Variants in RIC3 observed in about 807,000 individuals in gnomAD.
RIC3 encodes RIC3 acetylcholine receptor chaperone, also known as protein RIC-3.
RIC3 carries 28 observed loss-of-function variants against 27.3 expected under a neutral mutation model. That is an observed-to-expected ratio of 1.02 (90% confidence interval 0.76 to 1.41). RIC3 has a LOEUF of 1.41. Ranked by LOEUF, RIC3 falls within the 40% of genes most tolerant of loss-of-function variation. RIC3 has a pLI of 0.00. For missense variants in RIC3, 501 were observed against 444.7 expected, an observed-to-expected ratio of 1.13 and a Z score of -1.14; for synonymous variants, 184 against 160.4, an observed-to-expected ratio of 1.15 and a Z score of -1.11.
chr11:8,168,899 C>T lies in RIC3; in HGVS notation c.91G>A (p.Gly31Arg). 1.9e-6 allele frequency: 3 copies of T among 1,611,520 alleles called. No individual in the cohort carries two copies. The highest frequency in any genetic ancestry group is 2.5e-6 in the Non-Finnish European group (3 of 1,178,958). The change falls in exon 1 of 6, where the codon GGG becomes AGG. Residue 31 changes from glycine to arginine, a missense_variant. Transcript: ENST00000309737. ...GTCGGCGGCGGCTCCTGCCGCTTCC[C>T]GCGGGACAGGAAGGCCTTGGGCAGC... The part of the protein sequence containing the change: ...LLLPKAFLSR[G>R]KRQEPPPTPE...
the RIC3 span, among the ~76,000 whole-genome samples, chr11:8,100,088 A>G: frequency 1.3e-5 from 2 of 152,190 alleles, no homozygotes; most frequent in Non-Finnish European, 2.9e-5. Flanking sequence ...AGGGCCAACA[A>G]CAGAAACCAG....
At chr11:8,113,945 G>T (rs1179489328) in intron 5 of RIC3, among the ~76,000 whole-genome samples, 4 of 152,160 alleles carry the variant, frequency 2.6e-5, no homozygotes, top group African/African-American at 4.8e-5. Flanking sequence ...TAGGCTTTGG[G>T]ATAGCCTCTC....
intron 5 of RIC3, among the ~76,000 whole-genome samples, chr11:8,120,091 G>A (rs986598592): frequency 2.0e-5 from 3 of 152,184 alleles, no homozygotes; most frequent in Non-Finnish European, 2.9e-5. Flanking sequence ...CACTGTTGGT[G>A]GGAGTGCAAA....
chr11:8,111,245 C>T lies in RIC3; in HGVS notation c.671-108G>A, dbSNP rs1945230141. 1.4e-5 allele frequency: 11 copies of T among 779,332 alleles called. No individual in the cohort carries two copies. The East Asian group carries it at 2.9e-4, about 21-fold the overall frequency. 48.3% of individuals were successfully genotyped at this position (779,332 alleles called of 1,614,324 possible). A position where few individuals can be genotyped will look rare whatever the true frequency, so the allele number is the denominator to read the frequency against. On this transcript the variant is annotated intron_variant, in intron 5 of 5. Transcript: ENST00000309737. ...TCAGGCAGCAGCCATCCTATCCTAA[C>T]AAATCCATTCAAGACATCTCTAAGA...
At chr11:8,139,786 T>A in intron 2 of RIC3, 181 bp downstream of exon 2, 1 of 619,810 alleles carries the variant, frequency 1.6e-6, no homozygotes, top group Non-Finnish European at 2.7e-6. Flanking sequence ...TGAGTAAACA[T>A]TTCTTATGTG....
At chr11:8,104,037 T>G (rs991412363), downstream of RIC3, 6 of 152,212 alleles carry the variant, frequency 3.9e-5, no homozygotes, top group African/African-American at 7.2e-5. Flanking sequence ...CAAGCATCAG[T>G]AGCTGAGTGC....
chr11:8,138,874 T>C (rs938476575), intron 2 of RIC3: 2 of 201,166 alleles, frequency 9.9e-6, no homozygotes, highest in African/African-American at 2.4e-5. Flanking sequence ...TTTTAAAAAG[T>C]TCTAAGTCGC....
chr11:8,138,387 A>C (rs561410097), intron 2 of RIC3, 40 bp from the exon 3 acceptor site: 82 of 1,349,988 alleles, frequency 6.1e-5, no homozygotes, highest in Non-Finnish European at 8.6e-5. Flanking sequence ...ACAGCAGCTC[A>C]GAACCTCAGT....
Position 8,126,781 on chromosome 11 carries a change from T to C in RIC3, c.548A>G (p.Gln183Arg), listed in dbSNP as rs1947036873. The change falls in exon 5 of 6, where the codon CAA (glutamine) becomes CGA (arginine). Residue 183 changes from glutamine (Q) to arginine (R), a missense_variant. Gln to Arg is a conservative substitution (Grantham distance 43). Coordinates refer to ENST00000309737, the MANE Select transcript of RIC3 (RefSeq NM_001206671.4). ...ESRAQTVTSD[Q>R]EKRLLHQLRE... is the part of the protein sequence containing the mutation. ...GAGCTGATGTAGCAACCGTTTCTCT[T>C]GGTCAGAAGTCACAGTCTGTGCTCT... 6.2e-7 allele frequency: 1 copy of C among 1,614,142 alleles called. No homozygotes were observed. The highest frequency in any genetic ancestry group is 8.5e-7 in the Non-Finnish European group (1 of 1,180,024).
At chr11:8,117,472 G>A (rs553648394) in intron 5 of RIC3, among the ~76,000 whole-genome samples, 1 of 152,186 alleles carries the variant, frequency 6.6e-6, no homozygotes, top group Admixed American at 6.5e-5. Flanking sequence ...GATACAGCGT[G>A]ATTTCACTTA....
chr11:8,100,778 C>G, the RIC3 span: 1 of 1,605,928 alleles, frequency 6.2e-7, no homozygotes, highest in South Asian at 1.1e-5. Context: ...CTGGGGTGGT[C>G]ATGGTGCCAA....
downstream of RIC3, chr11:8,101,646 C>T: frequency 1.9e-6 from 3 of 1,612,856 alleles, no homozygotes; most frequent in Non-Finnish European, 2.5e-6. Flanking sequence ...TTTGGGGTTG[C>T]CCAGCCTGGA....
downstream of RIC3, chr11:8,103,412 T>G (rs1944390723): frequency 6.6e-6 from 1 of 152,292 alleles, no homozygotes; most frequent in Admixed American, 6.5e-5. Flanking sequence ...AGAAGTTGTA[T>G]TTTAAACGTG....
At chr11:8,131,096 GCATT>G (rs200264997) in intron 4 of RIC3, among the ~76,000 whole-genome samples, 2,961 of 138,814 alleles carry the variant, frequency 0.021, 93 homozygotes, top group African/African-American at 0.082. Flanking sequence ...TCAAAAATAG[GCATT>G]CATTCATTCA....
intron 5 of RIC3, among the ~76,000 whole-genome samples, chr11:8,120,515 C>A (rs773682000): frequency 6.6e-6 from 1 of 151,932 alleles, no homozygotes; most frequent in South Asian, 2.1e-4. Context: ...CATCATACAC[C>A]GGGACCTGTC....
In RIC3 at chr11:8,106,554, C is replaced by T. The variant is rs1944683669; in HGVS notation, c.*4144G>A. The T allele has an allele frequency of 1.3e-5, 2 of 152,262 alleles. No homozygotes were observed. Among genetic ancestry groups the T allele is most frequent in the African/African-American group, 4.8e-5 (2 of 41,440 alleles). 9.4% of individuals were successfully genotyped at this position (152,262 alleles called of 1,614,324 possible). Reference sequence around the variant, plus strand: ...GAAGGGGCTGGTGGTTCCTCAGTATCCCCTGTGGGCCTGGCCTTAGGAAGA... The same window carrying T: ...GAAGGGGCTGGTGGTTCCTCAGTATTCCCTGTGGGCCTGGCCTTAGGAAGA... On this transcript the variant is annotated 3_prime_UTR_variant, in exon 6 of 6. Transcript: ENST00000309737.
At chr11:8,124,941 C>T (rs1025244919) in intron 5 of RIC3, among the ~76,000 whole-genome samples, 3 of 151,956 alleles carry the variant, frequency 2.0e-5, no homozygotes, top group African/African-American at 7.3e-5. Context: ...TTGGGTTAGC[C>T]AAATATTTCT....
At chr11:8,114,574 C>A (rs1446367096) in intron 5 of RIC3, among the ~76,000 whole-genome samples, 4 of 149,078 alleles carry the variant, frequency 2.7e-5, no homozygotes, top group Non-Finnish European at 5.9e-5. Context: ...CCATTGCACT[C>A]CAGCCTGGGC....
At position 8,111,151 on chromosome 11, in the gene RIC3, T is replaced by C. The variant is rs1945209731; in HGVS notation, c.671-14A>G. ...CTTCAGGGTAACCTAGAGAGAAAAGTAGCACAAAGTATTACAAAGAATGTC... is the reference window on the plus strand; with the variant it reads ...CTTCAGGGTAACCTAGAGAGAAAAGCAGCACAAAGTATTACAAAGAATGTC... On this transcript the variant is annotated splice_polypyrimidine_tract_variant and intron_variant, in intron 5 of 5. Coordinates refer to ENST00000309737, the MANE Select transcript of RIC3 (RefSeq NM_001206671.4). The C allele has an allele frequency of 1.3e-6, 2 of 1,533,622 alleles. No homozygotes were observed. Among genetic ancestry groups the C allele is most frequent in the Admixed American group, 2.0e-5 (1 of 50,008 alleles).
Sources: gnomAD v4.1 joint callset for allele counts (sites outside exome capture counted in the v4.1 genomes callset) on GRCh38, gnomAD v4.1.1 for gene constraint, MANE v1.5 for transcripts, NCBI Gene and HGNC (gene_info 2026-07-23, HGNC 2026-07-21) for gene names.